The following WDR89 variants were observed in gnomAD, a reference collection of about 807,000 sequenced individuals.
The protein encoded by WDR89 is WD repeat-containing protein 89.
Under a neutral mutation model 29.1 loss-of-function variants are expected in WDR89, and 17 were observed. The ratio of observed to expected loss-of-function variants is 0.58; its 90% CI spans 0.40 to 0.88. The LOEUF is 0.88. Among genes scored for constraint, WDR89 ranks in the 40% least tolerant of loss-of-function variants. The pLI, the probability that WDR89 is intolerant of heterozygous loss-of-function variation, is 0.00. For missense variants in WDR89, 396 were observed against 456.3 expected, an observed-to-expected ratio of 0.87 and a Z score of 1.20; for synonymous variants, 138 against 157.8, an observed-to-expected ratio of 0.87 and a Z score of 0.94.
At chr14:63,614,968 C>T (rs1228638623) in intron 2 of WDR89, among the ~76,000 whole-genome samples, 3 of 152,136 alleles carry the variant, frequency 2.0e-5, no homozygotes, top group South Asian at 2.1e-4. Context: ...CATATGGCAT[C>T]CCATGCATTA....
chr14:63,616,626 CA>C (rs1882322012), intron 2 of WDR89, among the ~76,000 whole-genome samples: 1 of 152,118 alleles, frequency 6.6e-6, no homozygotes, highest in South Asian at 2.1e-4. Flanking sequence ...AGAGAAACAA[CA>C]AGTAGGCCAG....
chr14:63,615,315 T>G (rs1256912986), intron 2 of WDR89, among the ~76,000 whole-genome samples: 3 of 152,144 alleles, frequency 2.0e-5, no homozygotes, highest in Non-Finnish European at 4.4e-5. Flanking sequence ...GAAACCAAAT[T>G]TCCCTAAGTC....
chr14:63,600,737 AAAAAAAAAAAAAAAAAAG>A (rs1411985425), intron 2 of WDR89, among the ~76,000 whole-genome samples: 1 of 136,844 alleles, frequency 7.3e-6, no homozygotes, highest in South Asian at 2.1e-4. Flanking sequence ...AAAAAAAAAA[AAAAAAAAAAAAAAAAAAG>A]GTTTCCCAAA....
chr14:63,611,950 A>C (rs940854370), intron 2 of WDR89, among the ~76,000 whole-genome samples: 1 of 151,720 alleles, frequency 6.6e-6, no homozygotes, highest in African/African-American at 2.4e-5. Flanking sequence ...CTGGTCTCGA[A>C]CTCTTGAGCT....
At chr14:63,631,684 G>A (rs1381920969) in intron 1 of WDR89, among the ~76,000 whole-genome samples, 1 of 151,986 alleles carries the variant, frequency 6.6e-6, no homozygotes, top group East Asian at 1.9e-4. Context: ...CACCACACCT[G>A]GCCAGAGAAA....
At chr14:63,623,993 T>C (rs1882878480) in intron 2 of WDR89, among the ~76,000 whole-genome samples, 1 of 152,086 alleles carries the variant, frequency 6.6e-6, no homozygotes, top group Non-Finnish European at 1.5e-5. Flanking sequence ...ACAGAGAATA[T>C]TAACTCAAAA....
At chr14:63,632,587 C>T (rs1883480375) in intron 1 of WDR89, among the ~76,000 whole-genome samples, 1 of 151,896 alleles carries the variant, frequency 6.6e-6, no homozygotes, top group Non-Finnish European at 1.5e-5. Context: ...GAGCCGTGAT[C>T]ACACCACTGC....
chr14:63,616,725 G>T (rs1882329667), intron 2 of WDR89, among the ~76,000 whole-genome samples: 1 of 152,178 alleles, frequency 6.6e-6, no homozygotes, highest in African/African-American at 2.4e-5. Context: ...ATCGGTCATG[G>T]TAAGAACTTT....
chr14:63,614,875 T>C (rs1456506957), intron 2 of WDR89, among the ~76,000 whole-genome samples: 1 of 152,244 alleles, frequency 6.6e-6, no homozygotes, highest in Non-Finnish European at 1.5e-5. Flanking sequence ...ACTAAGACAA[T>C]GTCTCTGTAA....
chr14:63,631,320 C>A (rs1298803108), intron 1 of WDR89, among the ~76,000 whole-genome samples: 1 of 151,952 alleles, frequency 6.6e-6, no homozygotes, highest in Non-Finnish European at 1.5e-5. Flanking sequence ...TTTTTCTTTT[C>A]TTTCTTTTTG....
At chr14:63,631,748 G>A (rs777519977) in intron 1 of WDR89, among the ~76,000 whole-genome samples, 6 of 152,072 alleles carry the variant, frequency 3.9e-5, no homozygotes, top group Non-Finnish European at 7.4e-5. Context: ...TTGGAAGCAC[G>A]GGGGAGGAAC....
chr14:63,631,618 G>A (rs1244389578), intron 1 of WDR89, among the ~76,000 whole-genome samples: 1 of 152,056 alleles, frequency 6.6e-6, no homozygotes, highest in Non-Finnish European at 1.5e-5. Context: ...CTGAGCTCAA[G>A]TGATTCTCTT....
chr14:63,639,422 AGT>A (rs753816647), intron 1 of WDR89, among the ~76,000 whole-genome samples: 2 of 151,706 alleles, frequency 1.3e-5, no homozygotes, highest in African/African-American at 4.8e-5. Context: ...CCCTTTCTTA[AGT>A]GTGTACTTTT....
chr14:63,619,483 G>A (rs1882532412), intron 2 of WDR89, among the ~76,000 whole-genome samples: 1 of 151,892 alleles, frequency 6.6e-6, no homozygotes, highest in Non-Finnish European at 1.5e-5. Context: ...GCAAAAAACA[G>A]AAAAAAACCC....
rs1882039424 is a variant in WDR89, at chr14:63,612,333, T to G, written c.-31-12360A>C. On this transcript the variant is annotated intron_variant, in intron 2 of 2. Transcript: ENST00000620954. ...AAGGTAAAAATAAAATTTCAAGTTT[T>G]TTTTTTTTTTTGAGACGGAATCTCC... Among the ~76,000 whole-genome samples the G allele has an allele frequency of 3.3e-5, 5 of 152,008 alleles. No individual in the cohort carries two copies. In the South Asian group the frequency reaches 1.0e-3, roughly 32 times the overall value.
chr14:63,624,829 T>C (rs1882927290), intron 2 of WDR89, 99 bp downstream of exon 2: 1 of 152,088 alleles, frequency 6.6e-6, no homozygotes, highest in Admixed American at 6.6e-5. Flanking sequence ...CTGGCAAAAA[T>C]GCAAAAGCAA....
At chr14:63,604,758 T>A (rs771651030) in intron 2 of WDR89, among the ~76,000 whole-genome samples, 21 of 152,234 alleles carry the variant, frequency 1.4e-4, no homozygotes, top group Non-Finnish European at 2.9e-4. Flanking sequence ...GCTGAATACA[T>A]TAATGCCTAA....
In WDR89 at chr14:63,635,884, G is replaced by GAA. The variant is rs1417706809; in HGVS notation, c.-138+5919_-138+5920insTT. On this transcript the variant is annotated intron_variant, in intron 1 of 2. Coordinates refer to ENST00000620954, the MANE Select transcript of WDR89 (RefSeq NM_080666.4). ...GAACTCAACCCCTTTTACAATAGCT[G>GAA]CAAAAACAAACAAACAAACAAAACT... 7.9e-5 allele frequency among the ~76,000 whole-genome samples: 12 copies of GAA among 152,228 alleles called. No homozygotes were observed. The South Asian group carries it at 2.5e-3, about 32-fold the overall frequency.
chr14:63,623,197 CA>C (rs35075730), intron 2 of WDR89, among the ~76,000 whole-genome samples: 12,806 of 71,758 alleles, frequency 0.18, 567 homozygotes, highest in Admixed American at 0.22. Context: ...AACCAGGTCT[CA>C]AAAAAAAAAA....
Sources: allele counts gnomAD v4.1 joint callset (sites outside exome capture counted in the v4.1 genomes callset), GRCh38; gene constraint gnomAD v4.1.1; transcripts MANE v1.5; gene names NCBI Gene and HGNC (gene_info 2026-07-23, HGNC 2026-07-21).